Variants in ROBO1 observed in about 807,000 individuals in gnomAD.
ROBO1 encodes roundabout homolog 1.
ROBO1 carries 149 observed loss-of-function variants against 195.9 expected under a neutral mutation model. That is an observed-to-expected ratio of 0.76 (90% CI 0.67 to 0.87). The LOEUF is 0.87. Ranked by LOEUF, ROBO1 falls within the 40% of genes least tolerant of loss-of-function variation. The pLI is 0.00. For missense variants in ROBO1, 1,933 were observed against 2,068.3 expected (o/e 0.93, Z 1.27); for synonymous variants, 816 against 733.2 (o/e 1.11, Z -1.82).
chr3:78,848,328 G>A (rs889109978), intron 4 of ROBO1, among the ~76,000 whole-genome samples: 1 of 152,102 alleles, frequency 6.6e-6, no homozygotes, highest in African/African-American at 2.4e-5. Flanking sequence ...CACAATTACT[G>A]TTGCACCAAC....
intron 2 of ROBO1, among the ~76,000 whole-genome samples, chr3:79,173,928 T>A (rs1451818086): frequency 6.6e-6 from 1 of 152,202 alleles, no homozygotes; most frequent in African/African-American, 2.4e-5. Context: ...AATGCACCAA[T>A]TGACACTCTG....
At chr3:78,611,184 G>A (rs1205918513) in intron 28 of ROBO1, among the ~76,000 whole-genome samples, 1 of 152,154 alleles carries the variant, frequency 6.6e-6, no homozygotes, top group African/African-American at 2.4e-5. Context: ...TAGAGATCCA[G>A]CACTCTATTT....
chr3:79,190,898 T>C (rs2081528541), intron 2 of ROBO1, among the ~76,000 whole-genome samples: 1 of 151,520 alleles, frequency 6.6e-6, no homozygotes, highest in South Asian at 2.1e-4. Context: ...ACTTAAATCT[T>C]CCCTTTAAGC....
At position 78,774,315 on chromosome 3, in the gene ROBO1, G is replaced by GT. The variant is rs780313619; in HGVS notation, c.500-27416dup. 7.5e-3 allele frequency among the ~76,000 whole-genome samples: 1,102 copies of GT among 146,192 alleles called. 8 individuals carry two copies. Among genetic ancestry groups the GT allele is most frequent in the South Asian group, 0.012 (54 of 4,642 alleles). On this transcript the variant is annotated intron_variant, in intron 4 of 30. Coordinates refer to ENST00000464233, the MANE Select transcript of ROBO1 (RefSeq NM_002941.4). ...TATTCTTTAAAGATATTTGCTAAAA[G>GT]TTTTTTTTTTTTTGAGACGGAGTCT...
At chr3:78,772,619 A>G (rs1411106983) in intron 4 of ROBO1, among the ~76,000 whole-genome samples, 7 of 152,044 alleles carry the variant, frequency 4.6e-5, no homozygotes, top group African/African-American at 1.4e-4. Context: ...ATTGTACTAA[A>G]TATCATCCTA....
intron 1 of ROBO1, among the ~76,000 whole-genome samples, chr3:79,722,683 T>A (rs1020108763): frequency 5.9e-5 from 9 of 152,184 alleles, no homozygotes; most frequent in Non-Finnish European, 1.2e-4. Flanking sequence ...GTTGGTTTTG[T>A]TTTTCTTATT....
chr3:79,240,894 C>T (rs756314363), intron 2 of ROBO1, among the ~76,000 whole-genome samples: 3 of 152,122 alleles, frequency 2.0e-5, no homozygotes, highest in Non-Finnish European at 2.9e-5. Flanking sequence ...CCTCCTACCT[C>T]AGCTTCCCAA....
At chr3:78,929,705 T>C (rs2039406905) in intron 4 of ROBO1, among the ~76,000 whole-genome samples, 1 of 151,934 alleles carries the variant, frequency 6.6e-6, no homozygotes. Flanking sequence ...GGTTTCACCA[T>C]GTTGCCCAGG....
At chr3:79,073,386 T>A (rs74869580) in intron 3 of ROBO1, among the ~76,000 whole-genome samples, 11 of 151,902 alleles carry the variant, frequency 7.2e-5, no homozygotes, top group Admixed American at 5.9e-4. Context: ...AAGACTAAGA[T>A]CTGTGGGAGT....
intron 1 of ROBO1, among the ~76,000 whole-genome samples, chr3:79,591,616 A>T (rs977418193): frequency 6.6e-6 from 1 of 151,914 alleles, no homozygotes; most frequent in Non-Finnish European, 1.5e-5. Flanking sequence ...ATATAACTAC[A>T]TTATAAACCT....
chr3:78,939,112 T>G (rs1367677684), intron 3 of ROBO1, among the ~76,000 whole-genome samples, 185 bp from the exon 4 acceptor site: 1 of 152,176 alleles, frequency 6.6e-6, no homozygotes, highest in Non-Finnish European at 1.5e-5. Context: ...TTGAATCCTT[T>G]TGAGTCTCCA....
chr3:78,717,332 C>G lies in ROBO1; in HGVS notation c.860G>C (p.Gly287Ala), dbSNP rs890402996. The change falls in exon 7 of 31, where the codon GGT becomes GCT. Residue 287 changes from glycine (G) to alanine (A), a missense_variant. By Grantham distance (60) the Gly-to-Ala change is moderately conservative. This residue lies in a region of ROBO1 where 1,737 missense variants were observed against 1,882.5 expected (regional missense o/e 0.92). Transcript: ENST00000464233. Reference sequence around the variant, plus strand: ...CCATCGTACTGTAGGTACAGGGTCACCTCGGGCCTCACATTTAAATTCTGC... The same window carrying G: ...CCATCGTACTGTAGGTACAGGGTCAGCTCGGGCCTCACATTTAAATTCTGC... ...DSAEFKCEAR[G>A]DPVPTVRWRK... 1 of 1,612,438 alleles carries G rather than the reference C, an allele frequency of 6.2e-7. No homozygotes were observed. The highest frequency in any genetic ancestry group is 1.7e-4 in the Middle Eastern group (1 of 6,044).
intron 29 of ROBO1, among the ~76,000 whole-genome samples, chr3:78,603,283 G>A (rs1703281498): frequency 6.6e-6 from 1 of 151,882 alleles, no homozygotes; most frequent in South Asian, 2.1e-4. Flanking sequence ...AGACCTTCGG[G>A]CTTTTTATGC....
Position 79,054,223 on chromosome 3 carries a change from A to G in ROBO1, c.172+71233T>C, listed in dbSNP as rs180824854. Among the ~76,000 whole-genome samples the G allele has an allele frequency of 2.3e-3, 353 of 152,230 alleles. 1 individual carries two copies. Among genetic ancestry groups the G allele is most frequent in the African/African-American group, 8.1e-3 (335 of 41,558 alleles). ...TTAAACTTTGATGCTCTTACCACAG[A>G]ACAAGTAACAAAGGTGTGTATGAGA... is the stretch of plus-strand genomic sequence containing the variant. On this transcript the variant is annotated intron_variant, in intron 3 of 30. Transcript: ENST00000464233.
At chr3:79,213,675 C>A (rs1195540325) in intron 2 of ROBO1, among the ~76,000 whole-genome samples, 1 of 152,080 alleles carries the variant, frequency 6.6e-6, no homozygotes, top group Non-Finnish European at 1.5e-5. Flanking sequence ...AAATCAATTT[C>A]TCTCTCTTTC....
chr3:78,967,811 A>T (rs1437865783), intron 3 of ROBO1, among the ~76,000 whole-genome samples: 4 of 152,216 alleles, frequency 2.6e-5, no homozygotes, highest in Non-Finnish European at 4.4e-5. Context: ...AAAGATGGAT[A>T]ACTAGTCTTA....
intron 2 of ROBO1, among the ~76,000 whole-genome samples, chr3:79,316,092 A>T (rs181908015): frequency 2.8e-4 from 42 of 152,310 alleles, no homozygotes; most frequent in African/African-American, 9.6e-4. Context: ...TGTATAAAGG[A>T]ATAGTCATCT....
At chr3:78,892,905 A>T (rs907388378) in intron 4 of ROBO1, among the ~76,000 whole-genome samples, 1 of 152,108 alleles carries the variant, frequency 6.6e-6, no homozygotes, top group Admixed American at 6.6e-5. Context: ...ATTTCCTTAA[A>T]ATTCAGGACT....
At chr3:78,720,567 C>T (rs2082016102) in intron 5 of ROBO1, among the ~76,000 whole-genome samples, 1 of 152,088 alleles carries the variant, frequency 6.6e-6, no homozygotes, top group Non-Finnish European at 1.5e-5. Flanking sequence ...CTAGAAATAC[C>T]ATTTGACTCA....
Sources: gnomAD v4.1 joint callset for allele counts (sites outside exome capture counted in the v4.1 genomes callset) on GRCh38, gnomAD v4.1.1 for gene constraint, gnomAD v4.1.1 regional missense constraint, MANE v1.5 for transcripts, NCBI Gene and HGNC (gene_info 2026-07-23, HGNC 2026-07-21) for gene names.